Variants in RYR1 observed in about 807,000 individuals in gnomAD.
RYR1 encodes the protein central core disease of muscle.
In RYR1, 342 loss-of-function variants were observed where a neutral mutation model predicts 583.5. The ratio of observed to expected loss-of-function variants is 0.59; its 90% CI spans 0.54 to 0.64. The LOEUF (loss-of-function observed/expected upper bound fraction) is 0.64, where lower values mean the gene tolerates loss of function less well. Among genes scored for constraint, RYR1 ranks in the 30% least tolerant of loss-of-function variants. RYR1 has a pLI of 0.00. For missense variants in RYR1, 6,032 were observed against 6,917.2 expected (o/e 0.87, Z 4.54); for synonymous variants, 2,791 against 2,822.5 (o/e 0.99, Z 0.35).
At chr19:38,456,654 T>G (rs534778684) in intron 16 of RYR1, among the ~76,000 whole-genome samples, 3 of 151,974 alleles carry the variant, frequency 2.0e-5, no homozygotes, top group Non-Finnish European at 4.4e-5. Flanking sequence ...ATACACACAC[T>G]CTGTAGTTTG....
At chr19:38,494,695 C>A in intron 39 of RYR1, 70 bp downstream of exon 39, 1 of 1,586,970 alleles carries the variant, frequency 6.3e-7, no homozygotes, top group Non-Finnish European at 8.6e-7. Flanking sequence ...GATACAATAA[C>A]ATTCCCTTCC....
chr19:38,532,794 C>T, intron 78 of RYR1, 58 bp downstream of exon 78: 1 of 1,532,328 alleles, frequency 6.5e-7, no homozygotes, highest in Admixed American at 1.7e-5. Flanking sequence ...CTGCAGTCAT[C>T]TCCCATTCAT....
chr19:38,542,271 A>G (rs898653148), intron 84 of RYR1, among the ~76,000 whole-genome samples: 1 of 152,018 alleles, frequency 6.6e-6, no homozygotes. Context: ...TGACCAATCC[A>G]TATGTTCCCT....
In RYR1 at chr19:38,578,128, A is replaced by T; in HGVS notation, c.14304-16A>T. On this transcript the variant is annotated splice_polypyrimidine_tract_variant and intron_variant, in intron 98 of 105. Coordinates refer to ENST00000359596, the MANE Select transcript of RYR1 (RefSeq NM_000540.3). ...GTCTGACACTCAAGCATCTCTCCCC[A>T]CCCCCGCCCCCACAGGCTCATGTCC... 6.3e-7 allele frequency: 1 copy of T among 1,587,658 alleles called. No homozygotes were observed. Among genetic ancestry groups the T allele is most frequent in the Non-Finnish European group, 8.6e-7 (1 of 1,157,978 alleles).
intron 23 of RYR1, among the ~76,000 whole-genome samples, chr19:38,465,775 CAAAG>C (rs997424958): frequency 2.6e-5 from 4 of 151,528 alleles, no homozygotes; most frequent in South Asian, 2.1e-4. Flanking sequence ...AAAAAAAAAA[CAAAG>C]AGAGAGAAAA....
At chr19:38,455,869 C>T (rs1292341585) in intron 16 of RYR1, 118 bp downstream of exon 16, 17 of 733,522 alleles carry the variant, frequency 2.3e-5, no homozygotes, top group South Asian at 4.3e-5. Context: ...CTCACCTGTA[C>T]GCCACTCCCA....
chr19:38,436,935 T>C (rs1208055984), intron 1 of RYR1, among the ~76,000 whole-genome samples: 2 of 152,062 alleles, frequency 1.3e-5, no homozygotes, highest in African/African-American at 4.8e-5. Context: ...TGGGGTCTGG[T>C]AAACAGTACG....
chr19:38,452,931 C>G lies in RYR1; in HGVS notation c.1357C>G (p.Pro453Ala). ...SLQDLIIYFE[P>A]PSEDLQHEEK... ...GCAGGACCTCATCATCTACTTCGAG[C>G]CTCCCTCCGAGGACTTGCAGCACGA... Residue 453 changes from proline (P) to alanine (A), a missense_variant, in exon 13 of 106, where the codon CCT becomes GCT. Transcript: ENST00000359596. 6 of 1,613,990 alleles carry G rather than the reference C, an allele frequency of 3.7e-6. No individual in the cohort carries two copies. Among genetic ancestry groups the G allele is most frequent in the Non-Finnish European group, 5.1e-6 (6 of 1,179,882 alleles).
At position 38,566,803 on chromosome 19, in the gene RYR1, T is replaced by G. The variant is rs140469661; in HGVS notation, c.13438-108T>G. On this transcript the variant is annotated intron_variant, in intron 91 of 105. Transcript: ENST00000359596. ...TTTCTGGTGGAGGGAAGTGTAAAAC[T>G]TAGATTACCCAGGGGAAATAAGAGA... 577 of 1,544,004 alleles carry G rather than the reference T, an allele frequency of 3.7e-4. 3 individuals are homozygous for G. In the African/African-American group the frequency reaches 7.2e-3, roughly 19 times the overall value.
intron 49 of RYR1, among the ~76,000 whole-genome samples, chr19:38,503,690 T>C (rs891305819): frequency 6.6e-6 from 1 of 152,064 alleles, no homozygotes; most frequent in African/African-American, 2.4e-5. Context: ...GGAGAATTTC[T>C]TGAACCTGGG....
chr19:38,512,384 G>A lies in RYR1; in HGVS notation c.9373G>A (p.Val3125Met), dbSNP rs1453799659. 5.0e-6 allele frequency: 8 copies of A among 1,613,902 alleles called. No individual in the cohort carries two copies. Among genetic ancestry groups the A allele is most frequent in the East Asian group, 4.5e-5 (2 of 44,900 alleles). ...GCAGGCGCGCACCCAGGTGAAAGGC[G>A]TGGGCCAGAACCTCACCTACACCAC... ...VSQARTQVKG[V>M]GQNLTYTTVA... The change falls in exon 63 of 106, where the codon GTG (valine) becomes ATG (methionine). Residue 3125 changes from valine to methionine, a missense_variant. Physicochemically the swap from Val to Met is conservative, Grantham distance 21. Coordinates refer to ENST00000359596, the MANE Select transcript of RYR1 (RefSeq NM_000540.3). This position sits in a 1 kb window ranked among gnomAD's most constrained non-coding sequence, Gnocchi z 5.1.
intron 27 of RYR1, among the ~76,000 whole-genome samples, chr19:38,470,976 A>G (rs964031024): frequency 7.9e-5 from 12 of 152,212 alleles, no homozygotes; most frequent in Non-Finnish European, 1.5e-4. Context: ...ACAGCATGCT[A>G]CACGGAAGTG....
intron 99 of RYR1, among the ~76,000 whole-genome samples, chr19:38,579,149 G>C (rs896880010): frequency 6.7e-6 from 1 of 149,288 alleles, no homozygotes; most frequent in Middle Eastern, 3.6e-3. Context: ...GGCCAGGTGC[G>C]GTGGCTCAGG....
rs536813036 is a variant in RYR1, at chr19:38,504,793, G to A, written c.8113G>A (p.Ala2705Thr). 9.4e-5 allele frequency: 152 copies of A among 1,613,994 alleles called. No homozygotes were observed. Among genetic ancestry groups the A allele is most frequent in the Non-Finnish European group, 1.3e-4 (149 of 1,180,016 alleles). Residue 2705 changes from alanine to threonine, a missense_variant, in exon 51 of 106, where the codon GCC becomes ACC. This residue lies in a region of RYR1 where 1,493 missense variants were observed against 1,715.5 expected (regional missense o/e 0.87). Transcript: ENST00000359596. ...CCGCATGGCCATGCCTTGTCTGTGC[G>A]CCATTGCCGGGGCTCTGCCCCCCGA... ...LYRMAMPCLC[A>T]IAGALPPDYV...
At chr19:38,472,545 C>T (rs1037117605) in intron 27 of RYR1, among the ~76,000 whole-genome samples, 3 of 152,126 alleles carry the variant, frequency 2.0e-5, no homozygotes, top group Non-Finnish European at 4.4e-5. Flanking sequence ...CCATCCGAAG[C>T]AACCACTTCA....
At position 38,444,726 on chromosome 19, in the gene RYR1, C is replaced by A; in HGVS notation, c.631+49C>A. 1 of 1,416,898 alleles carries A rather than the reference C, an allele frequency of 7.1e-7. No individual in the cohort carries two copies. The highest frequency in any genetic ancestry group is 9.9e-7 in the Non-Finnish European group (1 of 1,012,274). 87.8% of individuals were successfully genotyped at this position (1,416,898 alleles called of 1,614,324 possible). On this transcript the variant is annotated intron_variant, in intron 7 of 105. Coordinates refer to ENST00000359596, the MANE Select transcript of RYR1 (RefSeq NM_000540.3). This position sits in a 1 kb window ranked among gnomAD's most constrained non-coding sequence, Gnocchi z 5.1. ...AAATGGAGATCCCCCCAAAACAGAC[C>A]CTTAATGTTGCCCTTCAGGCATACC... is the stretch of plus-strand genomic sequence containing the variant.
intron 71 of RYR1, 109 bp downstream of exon 71, chr19:38,525,611 T>C (rs1294178715): frequency 8.1e-7 from 1 of 1,231,308 alleles, no homozygotes; most frequent in Non-Finnish European, 1.2e-6. Flanking sequence ...CCCAGGTCCC[T>C]GGGAGCCTTC....
At chr19:38,454,320 G>A (rs1475334088) in intron 13 of RYR1, among the ~76,000 whole-genome samples, 4 of 152,232 alleles carry the variant, frequency 2.6e-5, no homozygotes, top group East Asian at 1.9e-4. Context: ...GATTACAGGC[G>A]TGAGCCACTG....
intron 54 of RYR1, 48 bp from the exon 55 acceptor site, chr19:38,506,255 T>C: frequency 1.9e-6 from 3 of 1,586,816 alleles, no homozygotes; most frequent in Non-Finnish European, 2.6e-6. Flanking sequence ...GGCCTGGGCT[T>C]CCTGCTAGCC....
Sources: gnomAD v4.1 joint callset for allele counts (sites outside exome capture counted in the v4.1 genomes callset) on GRCh38, gnomAD v4.1.1 for gene constraint, gnomAD v4.1.1 regional missense constraint, Gnocchi (gnomAD v3.1) non-coding constraint, MANE v1.5 for transcripts, NCBI Gene and HGNC (gene_info 2026-07-23, HGNC 2026-07-21) for gene names.